Variants in PTPN2 observed in about 807,000 individuals in gnomAD.
PTPN2 encodes the protein protein tyrosine phosphatase non-receptor type 2.
A neutral mutation model predicts 57.3 loss-of-function variants in PTPN2; 19 were observed. The observed-to-expected ratio is 0.33, with a 90% CI of 0.23 to 0.49. The LOEUF is 0.49. Among genes scored for constraint, PTPN2 ranks in the 20% least tolerant of loss-of-function variants. PTPN2 has a pLI of 0.99. For missense variants in PTPN2, 358 were observed against 501.1 expected (o/e 0.71, Z 2.73); for synonymous variants, 153 against 164.9 (o/e 0.93, Z 0.55).
intron 1 of PTPN2, among the ~76,000 whole-genome samples, chr18:12,867,216 G>A (rs2044025763): frequency 6.6e-6 from 1 of 152,060 alleles, no homozygotes; most frequent in Non-Finnish European, 1.5e-5. Flanking sequence ...CTACTTGGGA[G>A]GCAAAGCTGG....
intron 8 of PTPN2, among the ~76,000 whole-genome samples, chr18:12,795,941 T>G (rs961086401): frequency 6.6e-5 from 10 of 151,836 alleles, no homozygotes; most frequent in Non-Finnish European, 1.2e-4. Flanking sequence ...TAAAATCTTT[T>G]TTTTTTTTTT....
At chr18:12,800,878 A>G (rs2041395362) in intron 8 of PTPN2, among the ~76,000 whole-genome samples, 1 of 152,246 alleles carries the variant, frequency 6.6e-6, no homozygotes, top group Non-Finnish European at 1.5e-5. Flanking sequence ...ACAGTCTTAG[A>G]AATGTAATTG....
intron 1 of PTPN2, chr18:12,883,833 C>A (rs2044754346): frequency 2.6e-6 from 1 of 388,816 alleles, no homozygotes; most frequent in African/African-American, 2.1e-5. Context: ...GAACTAACTG[C>A]GCTTGCGCTA....
exon 10 of PTPN2, chr18:12,785,817 T>A (rs1332302014): frequency 6.2e-7 from 1 of 1,610,546 alleles, no homozygotes; most frequent in Non-Finnish European, 8.5e-7. Flanking sequence ...TCTCAAGTCA[T>A]GAATATTAGG....
downstream of PTPN2, among the ~76,000 whole-genome samples, chr18:12,788,935 T>C (rs2040913455): frequency 6.6e-6 from 1 of 152,174 alleles, no homozygotes; most frequent in South Asian, 2.1e-4. Context: ...TAGAAGTTCT[T>C]ACTTAAATAA....
In PTPN2 at chr18:12,819,056, T is replaced by C. The variant is rs2145325468; in HGVS notation, c.496-1691A>G. 2.3e-5 allele frequency: 8 copies of C among 350,704 alleles called. No homozygotes were observed. The South Asian group carries it at 4.0e-4, about 18-fold the overall frequency. The allele number at this position is 350,704 out of a possible 1,614,324, so 21.7% of individuals were successfully genotyped here. On this transcript the variant is annotated intron_variant, in intron 5 of 8. Transcript: ENST00000309660. ...TTGTGGTGAGCCGAGATCGTGCCAT[T>C]GTACTCCAGCCTGGACAACGAGAGC... is the stretch of plus-strand genomic sequence containing the variant.
intron 1 of PTPN2, among the ~76,000 whole-genome samples, chr18:12,869,743 T>A (rs1436211304): frequency 6.6e-6 from 1 of 152,184 alleles, no homozygotes; most frequent in South Asian, 2.1e-4. Context: ...TAATCCCAAA[T>A]TGATAATGAG....
At chr18:12,797,081 T>G in intron 8 of PTPN2, among the ~76,000 whole-genome samples, 1 of 152,158 alleles carries the variant, frequency 6.6e-6, no homozygotes, top group East Asian at 1.9e-4. Context: ...CAGAATTCAC[T>G]CTCTGAATTG....
intron 1 of PTPN2, among the ~76,000 whole-genome samples, chr18:12,867,978 T>A (rs2044049109): frequency 6.6e-6 from 1 of 152,242 alleles, no homozygotes; most frequent in South Asian, 2.1e-4. Flanking sequence ...TGTTTGGTCA[T>A]CTTTACAGAA....
intron 1 of PTPN2, among the ~76,000 whole-genome samples, chr18:12,873,594 A>G (rs928298702): frequency 2.2e-4 from 34 of 152,108 alleles, no homozygotes; most frequent in African/African-American, 7.7e-4. Context: ...TCAGTGCTCA[A>G]TGGTGCCCAG....
intron 8 of PTPN2, among the ~76,000 whole-genome samples, chr18:12,796,394 T>C (rs1387874182): frequency 2.0e-5 from 3 of 152,210 alleles, no homozygotes; most frequent in Admixed American, 6.5e-5. Context: ...TATATTTCCA[T>C]AAAACTTTAT....
intron 5 of PTPN2, among the ~76,000 whole-genome samples, chr18:12,821,127 G>A (rs1212136281): frequency 6.6e-6 from 1 of 150,932 alleles, no homozygotes; most frequent in African/African-American, 2.5e-5. Flanking sequence ...CACACTTTAG[G>A]TATATATGGA....
chr18:12,883,759 G>T (rs1339176827), intron 1 of PTPN2: 3 of 259,064 alleles, frequency 1.2e-5, no homozygotes, highest in African/African-American at 4.5e-5. Context: ...CCCAGACCCG[G>T]GCCGCGCAAC....
chr18:12,859,126 C>T, intron 2 of PTPN2, 38 bp downstream of exon 2: 1 of 1,554,252 alleles, frequency 6.4e-7, no homozygotes, highest in Non-Finnish European at 8.8e-7. Context: ...TAAAACAAAC[C>T]AAAAAATACA....
chr18:12,855,126 A>C (rs1204286789), intron 2 of PTPN2, among the ~76,000 whole-genome samples: 1 of 152,208 alleles, frequency 6.6e-6, no homozygotes, highest in East Asian at 1.9e-4. Flanking sequence ...TGACAACTAC[A>C]GCTACAGTGC....
chr18:12,871,292 T>C (rs1376637589), intron 1 of PTPN2, among the ~76,000 whole-genome samples: 1 of 152,214 alleles, frequency 6.6e-6, no homozygotes, highest in Non-Finnish European at 1.5e-5. Flanking sequence ...CAATGTATAC[T>C]GTCACCAATA....
At chr18:12,843,531 G>A (rs946358669) in intron 2 of PTPN2, among the ~76,000 whole-genome samples, 3 of 152,146 alleles carry the variant, frequency 2.0e-5, no homozygotes, top group African/African-American at 4.8e-5. Flanking sequence ...TCCACCCAGC[G>A]TAAGTGCTCT....
intron 4 of PTPN2, among the ~76,000 whole-genome samples, chr18:12,829,397 C>T (rs1354036635): frequency 1.3e-5 from 2 of 150,616 alleles, no homozygotes; most frequent in Admixed American, 6.6e-5. Flanking sequence ...CCCAGTTGCT[C>T]GGGAGGCTGA....
At position 12,859,956 on chromosome 18, in the gene PTPN2, G is replaced by A. The variant is rs376283798; in HGVS notation, c.70-702C>T. ...TTCCCTGAGGTCAGGAGTTTGAGAC[G>A]AGCCTGGCCAACATTGTGAAAACCC... On this transcript the variant is annotated intron_variant, in intron 1 of 8. Transcript: ENST00000309660. Among the ~76,000 whole-genome samples the A allele has an allele frequency of 1.1e-4, 17 of 151,720 alleles. No homozygotes were observed. In the East Asian group the frequency reaches 2.7e-3, roughly 24 times the overall value.
Sources: gnomAD v4.1 joint callset for allele counts (sites outside exome capture counted in the v4.1 genomes callset) on GRCh38, gnomAD v4.1.1 for gene constraint, MANE v1.5 for transcripts, NCBI Gene and HGNC (gene_info 2026-07-23, HGNC 2026-07-21) for gene names.